The following PCDHGA7 variants were observed in gnomAD, a reference collection of about 807,000 sequenced individuals.
PCDHGA7 encodes protocadherin gamma-A7.
In PCDHGA7, 44 loss-of-function variants were observed where a neutral mutation model predicts 58.3. That is an observed-to-expected ratio of 0.75 (90% CI 0.59 to 0.97). PCDHGA7 has a LOEUF of 0.97. PCDHGA7 is among the 50% of genes least tolerant of loss of function. PCDHGA7 has a pLI of 0.00. For synonymous variants in PCDHGA7, 516 were observed against 504.2 expected, an observed-to-expected ratio of 1.02 and a Z score of -0.31; for missense variants, 1,266 against 1,188.7, an observed-to-expected ratio of 1.06 and a Z score of -0.96.
Position 141,458,000 on chromosome 5 carries a change from A to G in PCDHGA7, c.2425-36807A>G, listed in dbSNP as rs1047291886. ...CACCCTTTCAGTTAAAGCCTTGGCA[A>G]AATAACCGGTTTTTCCAATTGTGTT... On this transcript the variant is annotated intron_variant, in intron 1 of 3. Coordinates refer to ENST00000518325, the MANE Select transcript of PCDHGA7 (RefSeq NM_018920.4). Among the ~76,000 whole-genome samples, 4 of 152,214 alleles carry G rather than the reference A, an allele frequency of 2.6e-5. No homozygotes were observed. In the East Asian group the frequency reaches 5.8e-4, roughly 22 times the overall value.
chr5:141,383,991 A>C lies in PCDHGA7; in HGVS notation c.1092A>C (p.Thr364=). 6.2e-7 allele frequency: 1 copy of C among 1,613,866 alleles called. No individual in the cohort carries two copies. The highest frequency in any genetic ancestry group is 8.5e-7 in the Non-Finnish European group (1 of 1,179,810). ...SSIPEDTPLG[T]VIALFYLQDR... ...TCCCTGAAGACACACCTCTTGGGACAGTCATTGCTCTTTTCTACCTACAAG... is the reference window on the plus strand; with the variant it reads ...TCCCTGAAGACACACCTCTTGGGACCGTCATTGCTCTTTTCTACCTACAAG... The change falls in exon 1 of 4, where the codon ACA becomes ACC. Residue 364 remains threonine, a synonymous_variant. Transcript: ENST00000518325.
chr5:141,398,125 G>C (rs1353004584), intron 1 of PCDHGA7: 1 of 1,586,808 alleles, frequency 6.3e-7, no homozygotes. Flanking sequence ...GAGAGCAAGA[G>C]GGATGGGGAG....
intron 1 of PCDHGA7, among the ~76,000 whole-genome samples, chr5:141,407,220 A>G (rs569421185): frequency 6.6e-6 from 1 of 152,342 alleles, no homozygotes; most frequent in East Asian, 1.9e-4. Context: ...TTAAGTGGGT[A>G]GCAAAAAAAA....
At chr5:141,443,209 C>T (rs1183847804) in intron 1 of PCDHGA7, among the ~76,000 whole-genome samples, 2 of 152,030 alleles carry the variant, frequency 1.3e-5, no homozygotes, top group African/African-American at 2.4e-5. Flanking sequence ...GAGCTTGTCT[C>T]GCCAGGCGCA....
chr5:141,441,752 C>T, intron 1 of PCDHGA7: 2 of 378,086 alleles, frequency 5.3e-6, no homozygotes, highest in Non-Finnish European at 1.1e-5. Context: ...TCGGCGTCAA[C>T]GTGAGCCTGC....
chr5:141,430,580 G>A, intron 1 of PCDHGA7: 1 of 478,526 alleles, frequency 2.1e-6, no homozygotes, highest in Admixed American at 3.8e-5. Context: ...CGGAGATCCT[G>A]CTCGCCTTGC....
At chr5:141,441,736 T>C in intron 1 of PCDHGA7, 1 of 365,328 alleles carries the variant, frequency 2.7e-6, no homozygotes. Flanking sequence ...CAGGACTAGC[T>C]CGCGCTCGGC....
Position 141,384,817 on chromosome 5 carries a change from CA to C in PCDHGA7, c.1919del (p.Gln640ArgfsTer66), listed in dbSNP as rs1780547722. The C allele has an allele frequency of 6.2e-7, 1 of 1,613,416 alleles. No homozygotes were observed. The highest frequency in any genetic ancestry group is 8.5e-7 in the Non-Finnish European group (1 of 1,179,864). Reference protein sequence around the residue: ...RALLDRDALKQSLVVAVQDHG... With the variant: ...RALLDRDALKXSLVVAVQDHG... ...CCTGCTGGACAGAGATGCCCTCAAGCAGAGCCTCGTGGTGGCCGTCCAGGAC... is the reference window on the plus strand; with the variant it reads ...CCTGCTGGACAGAGATGCCCTCAAGCGAGCCTCGTGGTGGCCGTCCAGGAC... On this transcript the variant is annotated frameshift_variant, in exon 1 of 4. Coordinates refer to ENST00000518325, the MANE Select transcript of PCDHGA7 (RefSeq NM_018920.4). LOFTEE classifies it high-confidence loss of function.
At position 141,491,423 on chromosome 5, in the gene PCDHGA7, G is replaced by C; in HGVS notation, c.2425-3384G>C. On this transcript the variant is annotated intron_variant, in intron 1 of 3. Transcript: ENST00000518325. The surrounding 1 kb of genome is among the most constrained non-coding windows in gnomAD (Gnocchi z 6.9). ...AACGCAGACGGGGACGGGGGTGGAG[G>C]GCAGTGCTGCAGGCGCCAGGACTCA... 1 of 1,614,126 alleles carries C rather than the reference G, an allele frequency of 6.2e-7. No individual in the cohort carries two copies. Among genetic ancestry groups the C allele is most frequent in the South Asian group, 1.1e-5 (1 of 91,090 alleles).
At chr5:141,457,500 A>G (rs1483244745) in intron 1 of PCDHGA7, among the ~76,000 whole-genome samples, 1 of 152,244 alleles carries the variant, frequency 6.6e-6, no homozygotes, top group African/African-American at 2.4e-5. Context: ...AAATGTAGGC[A>G]AAAAGCTTAA....
chr5:141,478,520 G>A, intron 1 of PCDHGA7: 1 of 1,610,510 alleles, frequency 6.2e-7, no homozygotes, highest in Non-Finnish European at 8.5e-7. Context: ...GCAGGTGTTG[G>A]GTGCAGAGAG....
In PCDHGA7 at chr5:141,382,905, G is replaced by C. The variant is rs773530372; in HGVS notation, c.6G>C (p.Ala2=). Residue 2 remains alanine, a synonymous_variant, in exon 1 of 4, where the codon GCG becomes GCC. Transcript: ENST00000518325. Reference sequence around the variant, plus strand: ...GCAAGAGAAGCAGGACGACTATGGCGGCTCAGCCGAGGGGCGGGGACTACA... The same window carrying C: ...GCAAGAGAAGCAGGACGACTATGGCCGCTCAGCCGAGGGGCGGGGACTACA... M[A]AQPRGGDYRG... is the part of the protein sequence containing the mutation. 3.8e-5 allele frequency: 59 copies of C among 1,544,508 alleles called. No individual in the cohort carries two copies. The South Asian group carries it at 5.7e-4, about 15-fold the overall frequency.
rs756146067 is a variant in PCDHGA7, at chr5:141,477,534, G to C, written c.2425-17273G>C. On this transcript the variant is annotated intron_variant, in intron 1 of 3. Transcript: ENST00000518325. This position sits in a 1 kb window ranked among gnomAD's most constrained non-coding sequence, Gnocchi z 4.9. ...TACATTGAAGAAAACAACCTCCCCG[G>C]GGCTCCAATACTAAACCTAAGTGTC... 1.9e-6 allele frequency: 3 copies of C among 1,614,008 alleles called. No homozygotes were observed. Among genetic ancestry groups the C allele is most frequent in the East Asian group, 4.5e-5 (2 of 44,870 alleles).
At chr5:141,428,618 T>C (rs554092834) in intron 1 of PCDHGA7, 1 of 206,012 alleles carries the variant, frequency 4.9e-6, no homozygotes, top group African/African-American at 2.3e-5. Context: ...AATAACAAGA[T>C]AAGCTCTAAC....
chr5:141,422,997 C>G, intron 1 of PCDHGA7: 1 of 1,614,218 alleles, frequency 6.2e-7, no homozygotes, highest in South Asian at 1.1e-5. Flanking sequence ...ACCTGGTGAC[C>G]AAGGTGGTTG....
Position 141,427,474 on chromosome 5 carries a change from A to T in PCDHGA7, c.2424+42151A>T, listed in dbSNP as rs373512099. On this transcript the variant is annotated intron_variant, in intron 1 of 3. Transcript: ENST00000518325. The stretch of plus-strand genomic sequence containing the variant: ...CCTTTTAGAATCGAATCTTCCGCCA[A>T]TAATGACTATAAGCTTGTAACAGAT... 10 of 520,294 alleles carry T rather than the reference A, an allele frequency of 1.9e-5. No individual in the cohort carries two copies. In the East Asian group the frequency reaches 2.1e-4, roughly 11 times the overall value. The allele number at this position is 520,294 out of a possible 1,614,324, so 32.2% of individuals were successfully genotyped here. A position where few individuals can be genotyped will look rare whatever the true frequency, so the allele number is the denominator to read the frequency against.
intron 1 of PCDHGA7, chr5:141,389,893 T>C (rs764580902): frequency 2.9e-5 from 46 of 1,613,976 alleles, no homozygotes; most frequent in Non-Finnish European, 3.6e-5. Context: ...CAGGAGGTGC[T>C]GCCGGATATC....
At chr5:141,451,776 G>C (rs1279891846) in intron 1 of PCDHGA7, among the ~76,000 whole-genome samples, 1 of 152,078 alleles carries the variant, frequency 6.6e-6, no homozygotes, top group Non-Finnish European at 1.5e-5. Flanking sequence ...AGCTACTCAG[G>C]AGGCTGAGGC....
At position 141,383,858 on chromosome 5, in the gene PCDHGA7, A is replaced by T; in HGVS notation, c.959A>T (p.Gln320Leu). 1 of 1,613,996 alleles carries T rather than the reference A, an allele frequency of 6.2e-7. No individual in the cohort carries two copies. The part of the protein sequence containing the change: ...EETAFYEMEV[Q>L]AQDGPGSLTK... The stretch of plus-strand genomic sequence containing the variant: ...ACTGCCTTCTATGAAATGGAGGTTC[A>T]GGCTCAAGATGGTCCTGGTAGTCTG... Residue 320 changes from glutamine (Q) to leucine (L), a missense_variant, in exon 1 of 4, where the codon CAG (glutamine) becomes CTG (leucine). Physicochemically the swap from Gln to Leu is moderately radical, Grantham distance 113 (BLOSUM62 -2). Transcript: ENST00000518325.
Sources: allele counts gnomAD v4.1 joint callset (sites outside exome capture counted in the v4.1 genomes callset), GRCh38; gene constraint gnomAD v4.1.1; non-coding constraint Gnocchi (gnomAD v3.1); transcripts MANE v1.5; gene names NCBI Gene and HGNC (gene_info 2026-07-23, HGNC 2026-07-21).